CNTN1: variants seen among roughly 807,000 people sequenced by gnomAD.
CNTN1 encodes the protein contactin-1.
In CNTN1, 38 loss-of-function variants were observed where a neutral mutation model predicts 126.4. That is an observed-to-expected ratio of 0.30 (90% CI 0.23 to 0.39). The LOEUF is 0.39. Among genes scored for constraint, CNTN1 ranks in the 10% least tolerant of loss-of-function variants. The pLI is 1.00. For missense variants in CNTN1, 1,009 were observed against 1,248.4 expected (o/e 0.81, Z 2.89); for synonymous variants, 413 against 422.6 (o/e 0.98, Z 0.28).
At chr12:40,812,135 T>C (rs191518074) in intron 1 of CNTN1, among the ~76,000 whole-genome samples, 16 of 152,250 alleles carry the variant, frequency 1.1e-4, no homozygotes, top group Admixed American at 7.2e-4. Context: ...TATCTTTTGA[T>C]TTCTTTGACT....
At position 40,959,222 on chromosome 12, in the gene CNTN1, C is replaced by T; in HGVS notation, c.1792C>T (p.Leu598Phe). Residue 598 changes from leucine (L) to phenylalanine (F), a missense_variant, in exon 15 of 24, where the codon CTT (leucine) becomes TTT (phenylalanine). Leu to Phe is a conservative substitution (Grantham distance 22). Coordinates refer to ENST00000551295, the MANE Select transcript of CNTN1 (RefSeq NM_001843.4). ...GGACAATTCTTCAGCTTCAGCTGAC[C>T]TTGTAGTGAGAGGTAAGAGTTTCAA... Reference protein sequence around the residue: ...IVDNSSASADLVVRGPPGPPG... With the variant: ...IVDNSSASADFVVRGPPGPPG... The T allele has an allele frequency of 6.2e-7, 1 of 1,612,434 alleles. No homozygotes were observed. The highest frequency in any genetic ancestry group is 8.5e-7 in the Non-Finnish European group (1 of 1,178,938).
Position 40,900,892 on chromosome 12 carries a change from A to G in CNTN1, c.-76-7465A>G, listed in dbSNP as rs58124017. On this transcript the variant is annotated intron_variant, in intron 1 of 23. Coordinates refer to ENST00000551295, the MANE Select transcript of CNTN1 (RefSeq NM_001843.4). ...GTAGATAGGTTTCAGTAGGAGTTGC[A>G]AAGGATGAGGGGATGTGAAACTGAC... 7.6e-3 allele frequency among the ~76,000 whole-genome samples: 1,162 copies of G among 152,322 alleles called. 10 individuals are homozygous for G. Among genetic ancestry groups the G allele is most frequent in the African/African-American group, 0.026 (1,095 of 41,564 alleles).
At chr12:40,759,469 T>G (rs557929994) in intron 1 of CNTN1, among the ~76,000 whole-genome samples, 1 of 151,046 alleles carries the variant, frequency 6.6e-6, no homozygotes, top group Non-Finnish European at 1.5e-5. Flanking sequence ...CCTTTCCCTT[T>G]CTCTTTCTCT....
intron 1 of CNTN1, among the ~76,000 whole-genome samples, chr12:40,707,396 C>G (rs1336580963): frequency 2.0e-5 from 3 of 151,652 alleles, no homozygotes; most frequent in Non-Finnish European, 2.9e-5. Context: ...CTACAGGCGC[C>G]TGCCACCACA....
At position 40,789,300 on chromosome 12, in the gene CNTN1, A is replaced by G. The variant is rs938293803; in HGVS notation, c.-77+96708A>G. On this transcript the variant is annotated intron_variant, in intron 1 of 23. Coordinates refer to ENST00000551295, the MANE Select transcript of CNTN1 (RefSeq NM_001843.4). ...TCAGTCAATAACACTTAAATTGCTT[A>G]GAAATTTTCTTGAACACTTGAAATA... Among the ~76,000 whole-genome samples the G allele has an allele frequency of 2.6e-5, 4 of 152,192 alleles. No individual in the cohort carries two copies. In the South Asian group the frequency reaches 8.3e-4, roughly 31 times the overall value.
intron 14 of CNTN1, among the ~76,000 whole-genome samples, chr12:40,952,730 G>C (rs1946734352): frequency 6.6e-6 from 1 of 152,076 alleles, no homozygotes; most frequent in Non-Finnish European, 1.5e-5. Flanking sequence ...TGTTAGTAGA[G>C]TTGGTGGTGG....
chr12:41,020,791 A>G (rs1566159500), intron 20 of CNTN1, among the ~76,000 whole-genome samples: 1 of 152,202 alleles, frequency 6.6e-6, no homozygotes, highest in Non-Finnish European at 1.5e-5. Context: ...AATTTATAGA[A>G]GCATCCTGAA....
At chr12:41,003,782 G>C (rs1948423258) in intron 17 of CNTN1, among the ~76,000 whole-genome samples, 1 of 152,002 alleles carries the variant, frequency 6.6e-6, no homozygotes, top group Admixed American at 6.6e-5. Context: ...TATTTCCGTG[G>C]GGTAAGTGGT....
In CNTN1 at chr12:40,814,414, A is replaced by G. The variant is rs568278551; in HGVS notation, c.-76-93943A>G. ...GAGTCCAGTTCCATTTTTTCTCCAT[A>G]TGGTTAGCCAGTTTTCCCAGCCATT... On this transcript the variant is annotated intron_variant, in intron 1 of 23. Transcript: ENST00000551295. Among the ~76,000 whole-genome samples the G allele has an allele frequency of 1.3e-4, 20 of 152,216 alleles. No individual in the cohort carries two copies. In the South Asian group the frequency reaches 1.9e-3, roughly 14 times the overall value.
intron 3 of CNTN1, among the ~76,000 whole-genome samples, chr12:40,917,845 G>A (rs1045129708): frequency 2.6e-5 from 4 of 152,166 alleles, no homozygotes; most frequent in East Asian, 1.9e-4. Flanking sequence ...TTCTCAACAC[G>A]GCTGTTTGTG....
intron 1 of CNTN1, among the ~76,000 whole-genome samples, chr12:40,880,852 A>T (rs940473337): frequency 6.6e-6 from 1 of 151,744 alleles, no homozygotes; most frequent in African/African-American, 2.4e-5. Flanking sequence ...TTAGGCTTAT[A>T]TCCTCAAAGC....
chr12:40,849,962 C>T (rs1454625482), intron 1 of CNTN1, among the ~76,000 whole-genome samples: 1 of 151,694 alleles, frequency 6.6e-6, no homozygotes, highest in South Asian at 2.1e-4. Flanking sequence ...ACATAGAATA[C>T]TATTTTAGTG....
At chr12:40,735,548 A>G (rs1937635037) in intron 1 of CNTN1, among the ~76,000 whole-genome samples, 1 of 152,256 alleles carries the variant, frequency 6.6e-6, no homozygotes, top group Middle Eastern at 3.4e-3. Flanking sequence ...ATATAAGGGA[A>G]TCCTAACTGT....
rs771504941 is a variant in CNTN1, at chr12:40,699,421, G to GT, written c.-77+6838dup. Among the ~76,000 whole-genome samples the GT allele has an allele frequency of 2.4e-3, 368 of 150,952 alleles. 3 individuals carry two copies. The highest frequency in any genetic ancestry group is 3.3e-3 in the Non-Finnish European group (225 of 67,610). On this transcript the variant is annotated intron_variant, in intron 1 of 23. Coordinates refer to ENST00000551295, the MANE Select transcript of CNTN1 (RefSeq NM_001843.4). Reference sequence around the variant, plus strand: ...ATTTATACAGAGTAAATAAAAGAGAGTTTTTTTTTAATGAGGAATTTTGTA... The same window carrying GT: ...ATTTATACAGAGTAAATAAAAGAGAGTTTTTTTTTTAATGAGGAATTTTGTA...
At chr12:40,847,928 G>T (rs1942574725) in intron 1 of CNTN1, among the ~76,000 whole-genome samples, 1 of 152,216 alleles carries the variant, frequency 6.6e-6, no homozygotes, top group Non-Finnish European at 1.5e-5. Context: ...GCACAATCTA[G>T]ATCCTTTGCA....
rs1251014692 is a variant in CNTN1 at position 40,700,866 on chromosome 12, A to T, written c.-77+8274A>T. Among the ~76,000 whole-genome samples, 5 of 151,388 alleles carry T rather than the reference A, an allele frequency of 3.3e-5. No individual in the cohort carries two copies. In the East Asian group the frequency reaches 7.7e-4, roughly 23 times the overall value. On this transcript the variant is annotated intron_variant, in intron 1 of 23. Coordinates refer to ENST00000551295, the MANE Select transcript of CNTN1 (RefSeq NM_001843.4). ...AGCACTCACTCTGTGTTGGGCATTT[A>T]AAAAAAAATGTGTTGCACATGACCA...
chr12:40,878,011 TTTTGAGA>T (rs1376713184), intron 1 of CNTN1, among the ~76,000 whole-genome samples: 31 of 135,996 alleles, frequency 2.3e-4, no homozygotes, highest in Non-Finnish European at 2.1e-4. Flanking sequence ...TTTTTTTTTT[TTTTGAGA>T]TAGAGTTTTG....
chr12:40,801,916 A>C (rs2136485455), intron 1 of CNTN1, among the ~76,000 whole-genome samples: 1 of 151,844 alleles, frequency 6.6e-6, no homozygotes, highest in East Asian at 2.0e-4. Context: ...TAAGCAAGAG[A>C]TAGATTATGA....
chr12:41,068,780 A>G (rs1950102841), intron 23 of CNTN1, among the ~76,000 whole-genome samples: 1 of 152,184 alleles, frequency 6.6e-6, no homozygotes, highest in African/African-American at 2.4e-5. Flanking sequence ...TATATTAGTA[A>G]GCCATTGACT....
Sources: allele counts gnomAD v4.1 joint callset (sites outside exome capture counted in the v4.1 genomes callset), GRCh38; gene constraint gnomAD v4.1.1; transcripts MANE v1.5; gene names NCBI Gene and HGNC (gene_info 2026-07-23, HGNC 2026-07-21).